Variants in RNF214 observed in about 807,000 individuals in gnomAD.
The protein encoded by RNF214 is ring finger protein 214.
A neutral mutation model predicts 75.9 loss-of-function variants in RNF214; 25 were observed. The observed-to-expected ratio is 0.33, with a 90% confidence interval of 0.24 to 0.46. The LOEUF is 0.46. Among genes scored for constraint, RNF214 ranks in the 20% least tolerant of loss-of-function variants. The pLI, the probability that RNF214 is intolerant of heterozygous loss-of-function variation, is 1.00. For missense variants in RNF214, 725 were observed against 857.5 expected (o/e 0.85, Z 1.93); for synonymous variants, 314 against 308.8 (o/e 1.02, Z -0.18).
intron 6 of RNF214, among the ~76,000 whole-genome samples, chr11:117,276,072 G>T (rs2034010404): frequency 1.3e-5 from 2 of 152,150 alleles, no homozygotes; most frequent in African/African-American, 2.4e-5. Context: ...AGTGAGGCAA[G>T]GATGGCTCAG....
intron 6 of RNF214, among the ~76,000 whole-genome samples, chr11:117,254,537 C>G (rs1042959738): frequency 1.3e-5 from 2 of 152,142 alleles, no homozygotes; most frequent in Admixed American, 6.5e-5. Flanking sequence ...CCATTACCAT[C>G]AATTCTCTTG....
chr11:117,238,720 C>T lies in RNF214; in HGVS notation c.227C>T (p.Ser76Leu). 2 of 1,614,168 alleles carry T rather than the reference C, an allele frequency of 1.2e-6. No homozygotes were observed. Among genetic ancestry groups the T allele is most frequent in the East Asian group, 2.2e-5 (1 of 44,876 alleles). Residue 76 changes from serine to leucine, a missense_variant, in exon 3 of 15, where the codon TCA (serine) becomes TTA (leucine). This residue lies in a region of RNF214 where 362 missense variants were observed against 344.5 expected (regional missense o/e 1.05). Coordinates refer to ENST00000300650, the MANE Select transcript of RNF214 (RefSeq NM_207343.4). ...GAGCACTCAGAGCAGAATCCTGGTT[C>T]ATCAGCAGGTGACACCTCAGCAGCG... ...HLEHSEQNPG[S>L]SAGDTSAAHQ...
chr11:117,278,583 A>G (rs1381643071), intron 6 of RNF214, among the ~76,000 whole-genome samples: 2 of 152,134 alleles, frequency 1.3e-5, no homozygotes, highest in African/African-American at 4.8e-5. Flanking sequence ...ATCCCTCAGT[A>G]CTGGGCAAAC....
chr11:117,285,229 A>AAATATAGAGT lies in RNF214; in HGVS notation c.*78_*79insAATATAGAGT. The AAATATAGAGT allele has an allele frequency of 1.1e-6, 1 of 948,740 alleles. No homozygotes were observed. The highest frequency in any genetic ancestry group is 1.7e-6 in the Non-Finnish European group (1 of 577,872). The allele number at this position is 948,740 out of a possible 1,614,324, so 58.8% of individuals were successfully genotyped here. On this transcript the variant is annotated 3_prime_UTR_variant, in exon 15 of 15. Transcript: ENST00000300650. ...GGGTTCAAGATTTCTAAAACTCTAT[A>AAATATAGAGT]TTTATACAGTGACATATACTCATGC... is the stretch of plus-strand genomic sequence containing the variant.
intron 6 of RNF214, 30 bp downstream of exon 6, chr11:117,246,978 G>A (rs1265212914): frequency 6.4e-7 from 1 of 1,570,214 alleles, no homozygotes; most frequent in South Asian, 1.2e-5. Context: ...AAAACCCTGT[G>A]TGTATGTATA....
At chr11:117,253,495 CCT>C (rs566633834) in intron 6 of RNF214, among the ~76,000 whole-genome samples, 332 of 152,120 alleles carry the variant, frequency 2.2e-3, no homozygotes, top group African/African-American at 7.8e-3. Context: ...GTGAGGTTTC[CCT>C]GTTAGTGCTC....
chr11:117,271,100 A>G (rs747400174), intron 6 of RNF214, among the ~76,000 whole-genome samples: 50 of 151,508 alleles, frequency 3.3e-4, no homozygotes, highest in African/African-American at 1.2e-3. Context: ...GGTTTTTGCC[A>G]TGTTGCCCAG....
At chr11:117,236,557 C>CCA (rs1225287772) in intron 2 of RNF214, among the ~76,000 whole-genome samples, 1 of 152,240 alleles carries the variant, frequency 6.6e-6, no homozygotes, top group Non-Finnish European at 1.5e-5. Context: ...CAGGCATGAG[C>CCA]CACCGCACCT....
chr11:117,235,868 G>T (rs572327729), intron 2 of RNF214, among the ~76,000 whole-genome samples: 5 of 152,054 alleles, frequency 3.3e-5, no homozygotes, highest in Non-Finnish European at 7.4e-5. Flanking sequence ...CATCACAAAC[G>T]TTTATCCTTT....
At position 117,272,300 on chromosome 11, in the gene RNF214, C is replaced by G. The variant is rs547490285; in HGVS notation, c.960-7608C>G. Among the ~76,000 whole-genome samples the G allele has an allele frequency of 2.8e-4, 42 of 152,264 alleles. No individual in the cohort carries two copies. The Middle Eastern group carries it at 0.01, about 37-fold the overall frequency. On this transcript the variant is annotated intron_variant, in intron 6 of 14. Coordinates refer to ENST00000300650, the MANE Select transcript of RNF214 (RefSeq NM_207343.4). Reference sequence around the variant, plus strand: ...GTTTGAGGTTTTCAGTGTAGACTTTCCGTGTGTTAATATGGTTTAAGGGGT... The same window carrying G: ...GTTTGAGGTTTTCAGTGTAGACTTTGCGTGTGTTAATATGGTTTAAGGGGT...
chr11:117,273,269 A>G (rs554456187), intron 6 of RNF214, among the ~76,000 whole-genome samples: 111 of 152,268 alleles, frequency 7.3e-4, no homozygotes, highest in Non-Finnish European at 1.3e-3. Context: ...ATACTATGCC[A>G]AAACTTGGTG....
At chr11:117,234,774 G>A (rs1451187335) in intron 2 of RNF214, among the ~76,000 whole-genome samples, 5 of 152,120 alleles carry the variant, frequency 3.3e-5, no homozygotes, top group Non-Finnish European at 7.3e-5. Context: ...ATATCTCATA[G>A]TAGCTAATAT....
intron 6 of RNF214, among the ~76,000 whole-genome samples, chr11:117,254,241 T>TC (rs2033467979): frequency 1.3e-5 from 2 of 151,234 alleles, no homozygotes; most frequent in South Asian, 4.2e-4. Context: ...AGAGCAAGAC[T>TC]CCATCTCAAA....
intron 4 of RNF214, among the ~76,000 whole-genome samples, chr11:117,240,472 G>C (rs1348861329): frequency 6.6e-6 from 1 of 151,484 alleles, no homozygotes; most frequent in Non-Finnish European, 1.5e-5. Flanking sequence ...TGGATCACCT[G>C]AGGTTGAGAG....
intron 6 of RNF214, among the ~76,000 whole-genome samples, chr11:117,274,675 CTT>C (rs397937528): frequency 9.3e-5 from 12 of 128,762 alleles, no homozygotes; most frequent in Admixed American, 1.6e-4. Flanking sequence ...AGCCATGGCT[CTT>C]TTTTTTTTTT....
intron 6 of RNF214, among the ~76,000 whole-genome samples, chr11:117,252,072 T>TTGGCCAG (rs1346237860): frequency 2.0e-5 from 3 of 152,164 alleles, no homozygotes; most frequent in Non-Finnish European, 4.4e-5. Flanking sequence ...TTTCACCATG[T>TTGGCCAG]TGGCCAGGCT....
intron 2 of RNF214, among the ~76,000 whole-genome samples, chr11:117,235,947 T>C (rs2032896015): frequency 6.6e-6 from 1 of 151,912 alleles, no homozygotes; most frequent in Non-Finnish European, 1.5e-5. Context: ...AGAGGCTGAC[T>C]GTGTATTCTT....
rs201262316 is a variant in RNF214 at position 117,237,681 on chromosome 11, AAAAT to A, written c.108-916_108-913del. 6.9e-3 allele frequency among the ~76,000 whole-genome samples: 1,058 copies of A among 152,330 alleles called. 10 individuals are homozygous for A. The highest frequency in any genetic ancestry group is 0.01 in the Non-Finnish European group (708 of 68,034). ...TCTCAAAAAATAAATAAATAAATAA[AAAAT>A]AAAAGCAATACCTTGAATGGCTGTG... On this transcript the variant is annotated intron_variant, in intron 2 of 14. Transcript: ENST00000300650.
intron 6 of RNF214, among the ~76,000 whole-genome samples, chr11:117,247,566 C>T (rs2033258500): frequency 7.0e-6 from 1 of 142,994 alleles, no homozygotes; most frequent in South Asian, 2.4e-4. Flanking sequence ...CAAGTTCAGA[C>T]CATGGGACAG....
Sources: gnomAD v4.1 joint callset for allele counts (sites outside exome capture counted in the v4.1 genomes callset) on GRCh38, gnomAD v4.1.1 for gene constraint, gnomAD v4.1.1 regional missense constraint, MANE v1.5 for transcripts, NCBI Gene and HGNC (gene_info 2026-07-23, HGNC 2026-07-21) for gene names.